SCN1A: variants seen among roughly 807,000 people sequenced by gnomAD.
The protein encoded by SCN1A is sodium channel protein type 1 subunit alpha.
Under a neutral mutation model 193.7 loss-of-function variants are expected in SCN1A, and 13 were observed. The ratio of observed to expected loss-of-function variants is 0.07; its 90% CI spans 0.04 to 0.11. The LOEUF (loss-of-function observed/expected upper bound fraction) is 0.11, where lower values mean the gene tolerates loss of function less well. Ranked by LOEUF, SCN1A falls within the 10% of genes least tolerant of loss-of-function variation. SCN1A has a pLI of 1.00. For missense variants in SCN1A, 1,432 were observed against 2,451.1 expected (o/e 0.58, Z 8.78); for synonymous variants, 781 against 843.6 (o/e 0.93, Z 1.29).
intron 19 of SCN1A, 120 bp from the exon 20 acceptor site, chr2:166,015,847 G>A: frequency 9.4e-7 from 1 of 1,058,892 alleles, no homozygotes. Flanking sequence ...GATATTTTTA[G>A]AGAAAAAGAG....
intron 20 of SCN1A, among the ~76,000 whole-genome samples, chr2:166,014,842 T>C (rs2105621672): frequency 6.6e-6 from 1 of 151,788 alleles, no homozygotes; most frequent in Non-Finnish European, 1.5e-5. Flanking sequence ...ATAATGTATA[T>C]TATCGGGTAA....
At chr2:166,034,858 G>T (rs1036001620) in intron 19 of SCN1A, among the ~76,000 whole-genome samples, 1 of 152,122 alleles carries the variant, frequency 6.6e-6, no homozygotes, top group African/African-American at 2.4e-5. Context: ...ATTGAGGACA[G>T]GCCATGTGAG....
At chr2:166,132,073 G>A (rs1383632955), upstream of SCN1A, among the ~76,000 whole-genome samples, 2 of 152,186 alleles carry the variant, frequency 1.3e-5, no homozygotes, top group Non-Finnish European at 2.9e-5. Context: ...GGAGGCTGGA[G>A]GCGAACTTGA....
rs144584023 is a variant in SCN1A, at chr2:166,025,005, C to T, written c.3430-9278G>A. On this transcript the variant is annotated intron_variant, in intron 19 of 28. Coordinates refer to ENST00000674923, the MANE Select transcript of SCN1A (RefSeq NM_001165963.4). ...TAGTGTTCTTATTTGATTGCAATTG[C>T]TCTTTACACATAGAAAATCATTTGA... 3.3e-5 allele frequency among the ~76,000 whole-genome samples: 5 copies of T among 152,276 alleles called. No individual in the cohort carries two copies. In the East Asian group the frequency reaches 5.8e-4, roughly 18 times the overall value.
At chr2:166,004,920 A>C (rs1457560532) in intron 23 of SCN1A, among the ~76,000 whole-genome samples, 1 of 151,490 alleles carries the variant, frequency 6.6e-6, no homozygotes, top group African/African-American at 2.4e-5. Context: ...GAATTCAAGA[A>C]TCAGAATTCT....
chr2:166,011,594 A>C (rs2105587125), intron 22 of SCN1A, among the ~76,000 whole-genome samples: 1 of 151,174 alleles, frequency 6.6e-6, no homozygotes, highest in African/African-American at 2.4e-5. Flanking sequence ...ATTTAAATCT[A>C]CTCTTTAAAA....
In SCN1A at chr2:166,055,716, G is replaced by A. The variant is rs368706437; in HGVS notation, c.473+695C>T. The stretch of plus-strand genomic sequence containing the variant: ...CAGGCATTACAAATAGGAAGTGTGG[G>A]CAGGTGAGCAGCTATGGTTAGAGTA... On this transcript the variant is annotated intron_variant, in intron 6 of 28. Coordinates refer to ENST00000674923, the MANE Select transcript of SCN1A (RefSeq NM_001165963.4). Among the ~76,000 whole-genome samples the A allele has an allele frequency of 1.8e-4, 28 of 152,104 alleles. No homozygotes were observed. The South Asian group carries it at 5.8e-3, about 32-fold the overall frequency.
chr2:166,046,677 C>T (rs1262648820), intron 12 of SCN1A, 93 bp downstream of exon 12: 2 of 1,193,906 alleles, frequency 1.7e-6, no homozygotes, highest in Admixed American at 3.7e-5. Context: ...ATTCCTCATA[C>T]AACCACCTGC....
chr2:166,044,135 A>C (rs1697513294), intron 13 of SCN1A, 86 bp from the exon 14 acceptor site: 4 of 1,423,938 alleles, frequency 2.8e-6, no homozygotes, highest in Non-Finnish European at 3.9e-6. Context: ...ATGTAGAAGG[A>C]GATTTCAGCA....
chr2:166,076,408 C>T (rs1189208039), intron 3 of SCN1A, among the ~76,000 whole-genome samples: 1 of 151,892 alleles, frequency 6.6e-6, no homozygotes, highest in Non-Finnish European at 1.5e-5. Flanking sequence ...TAAATAAATG[C>T]AGAGACAGTC....
At chr2:166,052,768 G>A in intron 8 of SCN1A, 84 bp downstream of exon 8, 1 of 1,146,064 alleles carries the variant, frequency 8.7e-7, no homozygotes, top group Non-Finnish European at 1.3e-6. Flanking sequence ...TATGATTCCT[G>A]ATTTTCTGTA....
chr2:165,988,135 T>G lies in SCN1A; in HGVS notation c.*3110A>C, dbSNP rs183395001. On this transcript the variant is annotated 3_prime_UTR_variant, in exon 29 of 29. Transcript: ENST00000674923. ...TAGATAGATTAATTTAGACTGTTAA[T>G]TTTACTATCTGGACCACCCGAGTAA... 2 of 152,282 alleles carry G rather than the reference T, an allele frequency of 1.3e-5. No homozygotes were observed. The highest frequency in any genetic ancestry group is 3.9e-4 in the East Asian group (2 of 5,160). The allele number at this position is 152,282 out of a possible 1,614,324, so 9.4% of individuals were successfully genotyped here.
intron 2 of SCN1A, among the ~76,000 whole-genome samples, chr2:166,100,534 G>A (rs1369349944): frequency 6.6e-6 from 1 of 151,460 alleles, no homozygotes; most frequent in Non-Finnish European, 1.5e-5. Context: ...AAACTAAAGA[G>A]CTTCTGCACA....
chr2:166,132,784 C>T (rs1691711138), upstream of SCN1A, among the ~76,000 whole-genome samples: 1 of 152,036 alleles, frequency 6.6e-6, no homozygotes, highest in Non-Finnish European at 1.5e-5. Context: ...AAATAATAAT[C>T]AGCCATTTTT....
chr2:166,123,567 A>G lies in SCN1A; in HGVS notation c.-142+3357T>C, dbSNP rs370047628. On this transcript the variant is annotated intron_variant, in intron 2 of 28. Coordinates refer to ENST00000674923, the MANE Select transcript of SCN1A (RefSeq NM_001165963.4). The stretch of plus-strand genomic sequence containing the variant: ...TTTGATCTGTAACTGACTGTGAACA[A>G]TCAACTGAGATAACTCACTACCTTT... 6 of 152,328 alleles carry G rather than the reference A, an allele frequency of 3.9e-5. No individual in the cohort carries two copies. In the East Asian group the frequency reaches 9.6e-4, roughly 24 times the overall value. 9.4% of individuals were successfully genotyped at this position (152,328 alleles called of 1,614,324 possible).
chr2:166,028,895 T>C (rs571271300), intron 19 of SCN1A, among the ~76,000 whole-genome samples: 1 of 151,578 alleles, frequency 6.6e-6, no homozygotes, highest in Non-Finnish European at 1.5e-5. Context: ...TAGTATAGAG[T>C]ATATTGAGAA....
chr2:166,037,459 A>G (rs1306966920), intron 18 of SCN1A, among the ~76,000 whole-genome samples: 1 of 152,152 alleles, frequency 6.6e-6, no homozygotes, highest in Non-Finnish European at 1.5e-5. Context: ...GCTCATCTCA[A>G]TATGATACTC....
At chr2:165,998,365 T>A (rs528902273) in intron 25 of SCN1A, among the ~76,000 whole-genome samples, 190 bp from the exon 26 acceptor site, 2 of 150,948 alleles carry the variant, frequency 1.3e-5, no homozygotes, top group Non-Finnish European at 3.0e-5. Context: ...GTGAAAAATA[T>A]GGCTATTATG....
At chr2:166,104,924 G>T (rs1401770935) in intron 2 of SCN1A, among the ~76,000 whole-genome samples, 1 of 152,052 alleles carries the variant, frequency 6.6e-6, no homozygotes, top group African/African-American at 2.4e-5. Context: ...TTGGTATCAT[G>T]GTCCTGAAAA....
Sources: allele counts gnomAD v4.1 joint callset (sites outside exome capture counted in the v4.1 genomes callset), GRCh38; gene constraint gnomAD v4.1.1; transcripts MANE v1.5; gene names NCBI Gene and HGNC (gene_info 2026-07-23, HGNC 2026-07-21).